GRIP1: variants seen among roughly 807,000 people sequenced by gnomAD.
GRIP1 encodes glutamate receptor-interacting protein 1.
Under a neutral mutation model 129.9 loss-of-function variants are expected in GRIP1, and 45 were observed. The observed-to-expected ratio is 0.35, with a 90% CI of 0.27 to 0.44. GRIP1 has a LOEUF of 0.44. Among genes scored for constraint, GRIP1 ranks in the 20% least tolerant of loss-of-function variants. The pLI is 1.00. For synonymous variants in GRIP1, 530 were observed against 520.8 expected (o/e 1.02, Z -0.24); for missense variants, 1,196 against 1,396.8 (o/e 0.86, Z 2.29).
chr12:66,789,160 C>CTTTTACAAAAAAAAT (rs2038450512), intron 1 of GRIP1, among the ~76,000 whole-genome samples: 2 of 152,092 alleles, frequency 1.3e-5, no homozygotes, highest in Non-Finnish European at 2.9e-5. Context: ...TACAAAAAGG[C>CTTTTACAAAAAAAAT]TCACACTTGA....
At chr12:66,908,007 T>A (rs1239915417) in intron 1 of GRIP1, among the ~76,000 whole-genome samples, 1 of 152,094 alleles carries the variant, frequency 6.6e-6, no homozygotes, top group Non-Finnish European at 1.5e-5. Flanking sequence ...AAAAAAATAA[T>A]AAAGGTATTA....
intron 1 of GRIP1, among the ~76,000 whole-genome samples, chr12:66,894,166 A>G (rs2040707092): frequency 6.6e-6 from 1 of 152,110 alleles, no homozygotes; most frequent in Non-Finnish European, 1.5e-5. Context: ...TTTATCCAGA[A>G]AGGACACATT....
intron 1 of GRIP1, among the ~76,000 whole-genome samples, chr12:66,962,384 T>C (rs989759725): frequency 4.6e-5 from 7 of 152,136 alleles, no homozygotes; most frequent in African/African-American, 1.7e-4. Flanking sequence ...AGAGGCCTTT[T>C]CTGATTAGAA....
At chr12:66,599,710 G>A (rs2064196404) in intron 1 of GRIP1, among the ~76,000 whole-genome samples, 1 of 152,148 alleles carries the variant, frequency 6.6e-6, no homozygotes, top group Non-Finnish European at 1.5e-5. Context: ...GAGAACTATG[G>A]AGGCTTCTAT....
At chr12:66,832,872 G>T (rs544771485) in intron 1 of GRIP1, among the ~76,000 whole-genome samples, 1 of 152,152 alleles carries the variant, frequency 6.6e-6, no homozygotes, top group African/African-American at 2.4e-5. Flanking sequence ...GAAGATCTTT[G>T]ATGCTATCAA....
intron 13 of GRIP1, among the ~76,000 whole-genome samples, chr12:66,435,417 T>C (rs2058274240): frequency 6.6e-6 from 1 of 152,156 alleles, no homozygotes; most frequent in Admixed American, 6.5e-5. Flanking sequence ...TTGCCTAGGC[T>C]GGTCTCAAAC....
chr12:67,046,391 AAG>A (rs1276677066), intron 1 of GRIP1, among the ~76,000 whole-genome samples: 2 of 152,136 alleles, frequency 1.3e-5, no homozygotes, highest in Non-Finnish European at 2.9e-5. Context: ...CCTTCCATAC[AAG>A]ATTCCTGACA....
chr12:66,979,816 C>G (rs2042218332), intron 1 of GRIP1, among the ~76,000 whole-genome samples: 1 of 152,120 alleles, frequency 6.6e-6, no homozygotes, highest in Admixed American at 6.5e-5. Context: ...AGTGATTCAG[C>G]TGCAAGCCAA....
chr12:67,031,161 T>C (rs756168033), intron 1 of GRIP1, among the ~76,000 whole-genome samples: 2 of 152,084 alleles, frequency 1.3e-5, no homozygotes, highest in African/African-American at 2.4e-5. Context: ...GCCTGTCCGC[T>C]CCCTCATTTC....
intron 7 of GRIP1, among the ~76,000 whole-genome samples, chr12:66,478,582 T>A (rs1275265270): frequency 2.0e-5 from 3 of 152,174 alleles, no homozygotes; most frequent in African/African-American, 7.2e-5. Context: ...TGCACACGTA[T>A]GTTTATTGCG....
intron 1 of GRIP1, among the ~76,000 whole-genome samples, chr12:66,766,631 C>A (rs1051120338): frequency 6.6e-6 from 1 of 152,150 alleles, no homozygotes; most frequent in Non-Finnish European, 1.5e-5. Context: ...CTCGGAAGAG[C>A]GCTGCATGGG....
intron 23 of GRIP1, among the ~76,000 whole-genome samples, chr12:66,370,404 A>C (rs1038678602): frequency 1.1e-4 from 17 of 152,240 alleles, no homozygotes; most frequent in African/African-American, 3.9e-4. Flanking sequence ...GGATTGGAAC[A>C]CAAAGTTCAG....
chr12:66,735,141 G>A (rs1301376522), intron 1 of GRIP1, among the ~76,000 whole-genome samples: 1 of 152,096 alleles, frequency 6.6e-6, no homozygotes, highest in Non-Finnish European at 1.5e-5. Flanking sequence ...AGCAAAAAGT[G>A]GAGTCCCTGT....
At chr12:66,848,479 G>A (rs189764282) in intron 1 of GRIP1, among the ~76,000 whole-genome samples, 199 of 152,164 alleles carry the variant, frequency 1.3e-3, no homozygotes, top group African/African-American at 4.6e-3. Flanking sequence ...TTACAACCCA[G>A]CATGGAAAAT....
intron 7 of GRIP1, among the ~76,000 whole-genome samples, chr12:66,511,258 C>A: frequency 6.6e-6 from 1 of 152,132 alleles, no homozygotes; most frequent in South Asian, 2.1e-4. Context: ...TGTGAAGCCT[C>A]CCCAGCCATG....
At chr12:66,709,472 G>A (rs1404802251) in intron 1 of GRIP1, among the ~76,000 whole-genome samples, 1 of 151,910 alleles carries the variant, frequency 6.6e-6, no homozygotes, top group South Asian at 2.1e-4. Flanking sequence ...GATCTGAGCT[G>A]GCAAGAGGTT....
intron 9 of GRIP1, among the ~76,000 whole-genome samples, chr12:66,458,393 T>G (rs1318096962): frequency 6.6e-6 from 1 of 152,138 alleles, no homozygotes; most frequent in East Asian, 1.9e-4. Flanking sequence ...GTTACTTTTT[T>G]TTTCTTTTGA....
chr12:66,375,656 C>T (rs1000465262), intron 22 of GRIP1, among the ~76,000 whole-genome samples: 2 of 152,116 alleles, frequency 1.3e-5, no homozygotes, highest in African/African-American at 4.8e-5. Flanking sequence ...TGTCAAGGGC[C>T]ACATCTGTCT....
intron 1 of GRIP1, among the ~76,000 whole-genome samples, chr12:66,729,935 A>T (rs1337211125): frequency 6.6e-6 from 1 of 152,198 alleles, no homozygotes; most frequent in Non-Finnish European, 1.5e-5. Flanking sequence ...GCTTTACTAT[A>T]GCATATATCT....
Sources: gnomAD v4.1 joint callset for allele counts (sites outside exome capture counted in the v4.1 genomes callset) on GRCh38, gnomAD v4.1.1 for gene constraint, MANE v1.5 for transcripts, NCBI Gene and HGNC (gene_info 2026-07-23, HGNC 2026-07-21) for gene names.